Variants in DCPS observed in about 807,000 individuals in gnomAD.
DCPS encodes the protein m7GpppX diphosphatase.
A neutral mutation model predicts 34.7 loss-of-function variants in DCPS; 27 were observed. The ratio of observed to expected loss-of-function variants is 0.78; its 90% CI spans 0.57 to 1.07. The LOEUF is 1.07. Ranked by LOEUF, DCPS falls within the 50% of genes least tolerant of loss-of-function variation. The pLI, the probability that DCPS is intolerant of heterozygous loss-of-function variation, is 0.00. For missense variants in DCPS, 464 were observed against 436.9 expected, an observed-to-expected ratio of 1.06 and a Z score of -0.55; for synonymous variants, 185 against 185.7, an observed-to-expected ratio of 1.00 and a Z score of 0.03.
rs909834968 is a variant in DCPS, at chr11:126,315,905, G to C, written c.376+9161G>C. 6.6e-6 allele frequency among the ~76,000 whole-genome samples: 1 copy of C among 151,932 alleles called. No homozygotes were observed. On this transcript the variant is annotated intron_variant, in intron 2 of 5. Transcript: ENST00000263579. The surrounding 1 kb of genome is among the most constrained non-coding windows in gnomAD (Gnocchi z 6.1). ...ATTTTTGTATTTTTAGTAGAGACAGGGTTTCATCATGTTGGCCAGGCTATC... is the reference window on the plus strand; with the variant it reads ...ATTTTTGTATTTTTAGTAGAGACAGCGTTTCATCATGTTGGCCAGGCTATC...
rs188470530 is a variant in DCPS at position 126,333,719 on chromosome 11, C to A, written c.522+2169C>A. Among the ~76,000 whole-genome samples, 3 of 152,160 alleles carry A rather than the reference C, an allele frequency of 2.0e-5. No individual in the cohort carries two copies. Among genetic ancestry groups the A allele is most frequent in the Non-Finnish European group, 4.4e-5 (3 of 68,032 alleles). The stretch of plus-strand genomic sequence containing the variant: ...ACTGAGATGGTAGGCAGGGGCCAGG[C>A]GGAGGCACGTGGACTTTGTCCAGGG... On this transcript the variant is annotated intron_variant, in intron 3 of 5. Transcript: ENST00000263579. This position sits in a 1 kb window ranked among gnomAD's most constrained non-coding sequence, Gnocchi z 5.7.
intron 2 of DCPS, among the ~76,000 whole-genome samples, chr11:126,309,737 T>C (rs1951605968): frequency 1.3e-5 from 2 of 152,210 alleles, no homozygotes; most frequent in Admixed American, 1.3e-4. Flanking sequence ...CTCCCTTGTT[T>C]AGCTGCATAG....
In DCPS at chr11:126,338,433, G is replaced by A. The variant is rs1249735914; in HGVS notation, c.636+34G>A. On this transcript the variant is annotated intron_variant, in intron 4 of 5. Transcript: ENST00000263579. The surrounding 1 kb of genome is among the most constrained non-coding windows in gnomAD (Gnocchi z 5.4). Reference sequence around the variant, plus strand: ...TTCTGGCTGGAATGTCCTGATCTCTGGCCACCCTGCTGTAAGTGCTGGTCC... The same window carrying A: ...TTCTGGCTGGAATGTCCTGATCTCTAGCCACCCTGCTGTAAGTGCTGGTCC... The A allele has an allele frequency of 6.3e-7, 1 of 1,588,126 alleles. No individual in the cohort carries two copies. The highest frequency in any genetic ancestry group is 1.7e-5 in the Admixed American group (1 of 59,926).
At position 126,332,570 on chromosome 11, in the gene DCPS, G is replaced by A. The variant is rs1211233547; in HGVS notation, c.522+1020G>A. 6.6e-6 allele frequency among the ~76,000 whole-genome samples: 1 copy of A among 152,214 alleles called. No individual in the cohort carries two copies. Among genetic ancestry groups the A allele is most frequent in the Non-Finnish European group, 1.5e-5 (1 of 68,020 alleles). On this transcript the variant is annotated intron_variant, in intron 3 of 5. Transcript: ENST00000263579. This position sits in a 1 kb window ranked among gnomAD's most constrained non-coding sequence, Gnocchi z 5.4. ...CTCCTCCCTGGCCCAGAAGAAGGGAGGGTACGCTGTGTGTGTGGGCACTGC... is the reference window on the plus strand; with the variant it reads ...CTCCTCCCTGGCCCAGAAGAAGGGAAGGTACGCTGTGTGTGTGGGCACTGC...
chr11:126,307,127 C>T (rs1951576320), intron 2 of DCPS, among the ~76,000 whole-genome samples: 1 of 151,860 alleles, frequency 6.6e-6, no homozygotes. Flanking sequence ...GTCAGGAGTT[C>T]AAGACCAGAC....
At chr11:126,317,703 C>T (rs1397272586) in intron 2 of DCPS, among the ~76,000 whole-genome samples, 1 of 152,192 alleles carries the variant, frequency 6.6e-6, no homozygotes, top group Non-Finnish European at 1.5e-5. Context: ...TGAGAGAGGC[C>T]ATATTTTGGA....
rs1407849962 is a variant in DCPS at position 126,333,804 on chromosome 11, C to T, written c.522+2254C>T. 2.6e-5 allele frequency among the ~76,000 whole-genome samples: 4 copies of T among 152,032 alleles called. No individual in the cohort carries two copies. The highest frequency in any genetic ancestry group is 4.4e-5 in the Non-Finnish European group (3 of 68,012). ...ATTGCCTGGGGGTTTTCATAAATAC[C>T]GAGCACAGAGCACTATTCCATATCT... On this transcript the variant is annotated intron_variant, in intron 3 of 5. Transcript: ENST00000263579. The surrounding 1 kb of genome is among the most constrained non-coding windows in gnomAD (Gnocchi z 5.7).
chr11:126,321,808 A>T (rs1358907252), intron 2 of DCPS, among the ~76,000 whole-genome samples: 1 of 152,210 alleles, frequency 6.6e-6, no homozygotes, highest in South Asian at 2.1e-4. Flanking sequence ...AATATTATCA[A>T]TAAGGAATTT....
At chr11:126,317,303 C>T (rs1470298752) in intron 2 of DCPS, among the ~76,000 whole-genome samples, 1 of 152,148 alleles carries the variant, frequency 6.6e-6, no homozygotes, top group Non-Finnish European at 1.5e-5. Flanking sequence ...TGCATTTTGT[C>T]TTCTAGACCT....
Position 126,323,886 on chromosome 11 carries a change from A to C in DCPS, c.377-7519A>C, listed in dbSNP as rs1219671532. On this transcript the variant is annotated intron_variant, in intron 2 of 5. Transcript: ENST00000263579. The surrounding 1 kb of genome is among the most constrained non-coding windows in gnomAD (Gnocchi z 4.4). Reference sequence around the variant, plus strand: ...TGCTCTGTTGCCCAGACTAGAGTGCAGTGGCGCCATCTCGGCTCACCGCAA... The same window carrying C: ...TGCTCTGTTGCCCAGACTAGAGTGCCGTGGCGCCATCTCGGCTCACCGCAA... 1.3e-5 allele frequency among the ~76,000 whole-genome samples: 2 copies of C among 152,158 alleles called. No homozygotes were observed. Among genetic ancestry groups the C allele is most frequent in the Admixed American group, 1.3e-4 (2 of 15,272 alleles).
In DCPS at chr11:126,342,712, C is replaced by T. The variant is rs1027142294; in HGVS notation, c.637-595C>T. Among the ~76,000 whole-genome samples the T allele has an allele frequency of 5.9e-5, 9 of 152,114 alleles. No homozygotes were observed. The highest frequency in any genetic ancestry group is 1.0e-4 in the Non-Finnish European group (7 of 68,018). ...TACATGCGATAAGACTGTAAACTCT[C>T]GGAGGGAGAGAGTTGCCCTTGCTCT... On this transcript the variant is annotated intron_variant, in intron 4 of 5. Coordinates refer to ENST00000263579, the MANE Select transcript of DCPS (RefSeq NM_014026.6). This position sits in a 1 kb window ranked among gnomAD's most constrained non-coding sequence, Gnocchi z 4.4.
Position 126,325,281 on chromosome 11 carries a change from G to A in DCPS, c.377-6124G>A, listed in dbSNP as rs954385105. ...AGAAGAAAATAATCACAGTAACTAT[G>A]GCAGTGAACAGCATTTACATCATCA... On this transcript the variant is annotated intron_variant, in intron 2 of 5. Coordinates refer to ENST00000263579, the MANE Select transcript of DCPS (RefSeq NM_014026.6). The surrounding 1 kb of genome is among the most constrained non-coding windows in gnomAD (Gnocchi z 4.3). 1.8e-4 allele frequency among the ~76,000 whole-genome samples: 27 copies of A among 152,174 alleles called. No homozygotes were observed. The highest frequency in any genetic ancestry group is 6.3e-4 in the African/African-American group (26 of 41,454).
In DCPS at chr11:126,331,023, A is replaced by C. The variant is rs1951786180; in HGVS notation, c.377-382A>C. Among the ~76,000 whole-genome samples the C allele has an allele frequency of 6.6e-6, 1 of 152,090 alleles. No homozygotes were observed. The highest frequency in any genetic ancestry group is 1.5e-5 in the Non-Finnish European group (1 of 68,024). On this transcript the variant is annotated intron_variant, in intron 2 of 5. Coordinates refer to ENST00000263579, the MANE Select transcript of DCPS (RefSeq NM_014026.6). This position sits in a 1 kb window ranked among gnomAD's most constrained non-coding sequence, Gnocchi z 7.2. ...AGTGCTGGGATTACAGGCGTCAGCC[A>C]CTGCGCCCGGCCTTTAAGCCATATT... is the stretch of plus-strand genomic sequence containing the variant.
intron 2 of DCPS, among the ~76,000 whole-genome samples, chr11:126,307,656 C>T (rs1410587014): frequency 6.6e-6 from 1 of 152,170 alleles, no homozygotes; most frequent in African/African-American, 2.4e-5. Flanking sequence ...ATCCACCCGT[C>T]TTGGCCTCCC....
intron 2 of DCPS, among the ~76,000 whole-genome samples, chr11:126,317,237 G>T (rs1260170264): frequency 6.6e-6 from 1 of 152,208 alleles, no homozygotes; most frequent in East Asian, 1.9e-4. Flanking sequence ...GGGATTACAG[G>T]CGTGAGCCAC....
In DCPS at chr11:126,313,795, A is replaced by C. The variant is rs370126809; in HGVS notation, c.376+7051A>C. On this transcript the variant is annotated intron_variant, in intron 2 of 5. Coordinates refer to ENST00000263579, the MANE Select transcript of DCPS (RefSeq NM_014026.6). The surrounding 1 kb of genome is among the most constrained non-coding windows in gnomAD (Gnocchi z 4.9). ...TCTGTTTCTTGGATTGTGTGTTCTG[A>C]GCATATGTATTCTTTTTATTTTACT... Among the ~76,000 whole-genome samples the C allele has an allele frequency of 6.6e-6, 1 of 152,318 alleles. No individual in the cohort carries two copies. The highest frequency in any genetic ancestry group is 1.9e-4 in the East Asian group (1 of 5,184).
rs753776565 is a variant in DCPS at position 126,347,399 on chromosome 11, T to C, written c.*1786T>C. Among the ~76,000 whole-genome samples the C allele has an allele frequency of 6.6e-6, 1 of 151,996 alleles. No homozygotes were observed. The highest frequency in any genetic ancestry group is 1.5e-5 in the Non-Finnish European group (1 of 68,008). On this transcript the variant is annotated 3_prime_UTR_variant, in exon 6 of 6. Coordinates refer to ENST00000263579, the MANE Select transcript of DCPS (RefSeq NM_014026.6). This position sits in a 1 kb window ranked among gnomAD's most constrained non-coding sequence, Gnocchi z 4.2. ...CCCCCATGCCCAGCTAATTTTTGTA[T>C]TTTTAGTAGAGACGGGGTTTCACCA...
At chr11:126,330,680 C>G (rs1325838147) in intron 2 of DCPS, among the ~76,000 whole-genome samples, 1 of 103,670 alleles carries the variant, frequency 9.6e-6, no homozygotes, top group African/African-American at 3.5e-5. Context: ...GACTACTGGG[C>G]TTTAAACCAT....
Position 126,343,303 on chromosome 11 carries a change from G to A in DCPS, c.637-4G>A, listed in dbSNP as rs1483130604. ...AGCCTGGTCTCCCCTTGCTCTCTAC[G>A]CAGCTCGATGACTTGTACTTGATCG... On this transcript the variant is annotated splice_polypyrimidine_tract_variant and splice_region_variant and intron_variant, in intron 4 of 5. Coordinates refer to ENST00000263579, the MANE Select transcript of DCPS (RefSeq NM_014026.6). 18 of 1,611,860 alleles carry A rather than the reference G, an allele frequency of 1.1e-5. No individual in the cohort carries two copies. The highest frequency in any genetic ancestry group is 1.1e-4 in the East Asian group (5 of 44,782).
Sources: allele counts gnomAD v4.1 joint callset (sites outside exome capture counted in the v4.1 genomes callset), GRCh38; gene constraint gnomAD v4.1.1; non-coding constraint Gnocchi (gnomAD v3.1); transcripts MANE v1.5; gene names NCBI Gene and HGNC (gene_info 2026-07-23, HGNC 2026-07-21).